NEBL: variants seen among roughly 807,000 people sequenced by gnomAD.
NEBL encodes the protein LIM and SH3 protein 2.
Under a neutral mutation model 140.2 loss-of-function variants are expected in NEBL, and 122 were observed. The ratio of observed to expected loss-of-function variants is 0.87; its 90% CI spans 0.75 to 1.01. The LOEUF is 1.01. NEBL is among the 50% of genes least tolerant of loss of function. The probability of loss-of-function intolerance (pLI) is 0.00; values close to 1 mark genes in which losing one functional copy is unlikely to be tolerated. For missense variants in NEBL, 1,365 were observed against 1,231.3 expected (o/e 1.11, Z -1.62); for synonymous variants, 436 against 398.9 (o/e 1.09, Z -1.11).
rs962262901 is a variant in NEBL, at chr10:20,784,792, T to C, written c.*955A>G. On this transcript the variant is annotated 3_prime_UTR_variant, in exon 28 of 28. Coordinates refer to ENST00000377122, the MANE Select transcript of NEBL (RefSeq NM_006393.3). ...AGTATACATGTTATTTCCTAAGATG[T>C]AAATCCTTCAAAACTAGAGTGCGAT... 1 of 152,214 alleles carries C rather than the reference T, an allele frequency of 6.6e-6. No homozygotes were observed. Among genetic ancestry groups the C allele is most frequent in the African/African-American group, 2.4e-5 (1 of 41,456 alleles). 9.4% of individuals were successfully genotyped at this position (152,214 alleles called of 1,614,324 possible). A position where few individuals can be genotyped will look rare whatever the true frequency, so the allele number is the denominator to read the frequency against.
At position 21,173,123 on chromosome 10, in the gene NEBL, C is replaced by T. The variant is rs1201031711; in HGVS notation, c.69+642G>A. Among the ~76,000 whole-genome samples, 8 of 152,176 alleles carry T rather than the reference C, an allele frequency of 5.3e-5. No individual in the cohort carries two copies. The highest frequency in any genetic ancestry group is 4.6e-4 in the Admixed American group (7 of 15,288). On this transcript the variant is annotated intron_variant, in intron 1 of 6. Transcript: ENST00000417816. This position sits in a 1 kb window ranked among gnomAD's most constrained non-coding sequence, Gnocchi z 5.7. The stretch of plus-strand genomic sequence containing the variant: ...GTCTCTCTCCCGGGCTGTTCATCTC[C>T]GTCCCTGCCCGGGAAGGGCAGGGGG...
chr10:20,825,221 G>A (rs1274564063), intron 18 of NEBL, among the ~76,000 whole-genome samples: 2 of 152,110 alleles, frequency 1.3e-5, no homozygotes, highest in East Asian at 1.9e-4. Context: ...GCTGCATAAT[G>A]ACCAAGTGAC....
intron 4 of NEBL, among the ~76,000 whole-genome samples, chr10:20,947,313 A>G (rs1396607714): frequency 6.6e-6 from 1 of 152,150 alleles, no homozygotes; most frequent in East Asian, 1.9e-4. Context: ...GCACAGATTT[A>G]AGATGAGAAG....
chr10:21,178,829 G>A (rs1452502134), upstream of NEBL, among the ~76,000 whole-genome samples: 2 of 152,106 alleles, frequency 1.3e-5, no homozygotes, highest in African/African-American at 4.8e-5. Flanking sequence ...TCGGAAAGAG[G>A]AAAAAAGAAA....
Position 21,016,845 on chromosome 10 carries a change from T to C in NEBL, c.249+3272A>G, listed in dbSNP as rs79727025. On this transcript the variant is annotated intron_variant, in intron 3 of 6. Coordinates refer to the NEBL transcript ENST00000417816. The stretch of plus-strand genomic sequence containing the variant: ...CCATTACTGAGTATTACCATTAGGA[T>C]AGATACCTACCCACGTTTTTGCAAA... Among the ~76,000 whole-genome samples, 583 of 152,362 alleles carry C rather than the reference T, an allele frequency of 3.8e-3. 7 individuals carry two copies. Among genetic ancestry groups the C allele is most frequent in the Non-Finnish European group, 5.2e-3 (351 of 68,038 alleles).
chr10:21,010,532 G>T (rs1307633383), intron 3 of NEBL, among the ~76,000 whole-genome samples: 1 of 151,440 alleles, frequency 6.6e-6, no homozygotes, highest in Non-Finnish European at 1.5e-5. Context: ...GGGATTACGG[G>T]CATGAGCCAC....
Position 20,966,473 on chromosome 10 carries a change from C to A in NEBL, c.250-4694G>T, listed in dbSNP as rs891972880. ...GTGAAAATACCAAGCAAGGATATGA[C>A]CCTTCAGCAAATATTAGTTTCATTC... On this transcript the variant is annotated intron_variant, in intron 3 of 6. Transcript: ENST00000417816. Among the ~76,000 whole-genome samples the A allele has an allele frequency of 2.6e-5, 4 of 152,174 alleles. No homozygotes were observed. In the East Asian group the frequency reaches 7.7e-4, roughly 29 times the overall value.
intron 2 of NEBL, among the ~76,000 whole-genome samples, chr10:21,112,353 A>G (rs1235173083): frequency 1.6e-4 from 25 of 152,202 alleles, no homozygotes; most frequent in Non-Finnish European, 3.1e-4. Flanking sequence ...ATGTCCATCA[A>G]TGATAGACTG....
intron 2 of NEBL, among the ~76,000 whole-genome samples, chr10:21,044,592 A>C (rs188332517): frequency 1.3e-5 from 2 of 152,064 alleles, no homozygotes; most frequent in African/African-American, 4.8e-5. Flanking sequence ...ATAAATTCAC[A>C]TGGCTGTTCA....
intron 3 of NEBL, among the ~76,000 whole-genome samples, chr10:21,008,927 T>C (rs1219323918): frequency 6.6e-6 from 1 of 151,440 alleles, no homozygotes; most frequent in East Asian, 1.9e-4. Flanking sequence ...GTATATTACA[T>C]ATAATATTTA....
intron 2 of NEBL, among the ~76,000 whole-genome samples, chr10:21,161,515 C>A (rs1252309694): frequency 6.6e-6 from 1 of 152,162 alleles, no homozygotes; most frequent in Non-Finnish European, 1.5e-5. Flanking sequence ...GGCAATTAGA[C>A]CATTCCTGAC....
intron 26 of NEBL, among the ~76,000 whole-genome samples, chr10:20,803,449 T>C (rs1588637409): frequency 6.6e-6 from 1 of 152,308 alleles, no homozygotes; most frequent in Non-Finnish European, 1.5e-5. Flanking sequence ...ATAGCAGTGG[T>C]ACTCAGAAGA....
intron 3 of NEBL, among the ~76,000 whole-genome samples, chr10:21,180,266 C>T (rs190390745): frequency 4.2e-4 from 64 of 152,306 alleles, no homozygotes; most frequent in African/African-American, 1.5e-3. Flanking sequence ...GCTGTCACAG[C>T]AGCAAAAGGA....
chr10:20,815,651 T>C lies in NEBL; in HGVS notation c.2215A>G (p.Lys739Glu). 6.2e-7 allele frequency: 1 copy of C among 1,611,986 alleles called. No individual in the cohort carries two copies. Among genetic ancestry groups the C allele is most frequent in the Non-Finnish European group, 8.5e-7 (1 of 1,178,156 alleles). ...LSVTPEMERV[K>E]KNQENISSVK... ...GAGCTAATATTTTCTTGATTCTTCT[T>C]CACTCTTTCCATTTCAGGAGTTACA... is the stretch of plus-strand genomic sequence containing the variant. Residue 739 changes from lysine to glutamate, a missense_variant, in exon 22 of 28, where the codon AAG (lysine) becomes GAG (glutamate). Coordinates refer to ENST00000377122, the MANE Select transcript of NEBL (RefSeq NM_006393.3).
chr10:20,784,614 A>G lies in NEBL; in HGVS notation c.*1133T>C, dbSNP rs1222058314. The stretch of plus-strand genomic sequence containing the variant: ...AGATACCAGATCATCTCTGTATGGA[A>G]TTGGTAACTTTGTTTGCTGAGTATT... On this transcript the variant is annotated 3_prime_UTR_variant, in exon 28 of 28. Transcript: ENST00000377122. The G allele has an allele frequency of 1.3e-5, 2 of 152,188 alleles. No individual in the cohort carries two copies. The highest frequency in any genetic ancestry group is 3.8e-4 in the East Asian group (2 of 5,200). 9.4% of individuals were successfully genotyped at this position (152,188 alleles called of 1,614,324 possible).
At chr10:21,292,485 G>T (rs924297798) in intron 1 of NEBL, among the ~76,000 whole-genome samples, 1 of 152,180 alleles carries the variant, frequency 6.6e-6, no homozygotes, top group Non-Finnish European at 1.5e-5. Flanking sequence ...TTAGACCCCT[G>T]AGAAATTTAT....
intron 2 of NEBL, among the ~76,000 whole-genome samples, chr10:20,890,551 G>A (rs188349793): frequency 3.5e-4 from 54 of 152,268 alleles, no homozygotes; most frequent in Non-Finnish European, 6.3e-4. Context: ...CCTCCTGAGC[G>A]CAGAGAAGAA....
rs1354225589 is a variant in NEBL at position 21,029,786 on chromosome 10, G to T, written c.165-9585C>A. ...CGGTAGGGATCGCTATGATGACCGA[G>T]GCAGCAGAGACTATGCTAGAGGCTA... On this transcript the variant is annotated intron_variant, in intron 2 of 6. Coordinates refer to the NEBL transcript ENST00000417816. 4.4e-5 allele frequency: 33 copies of T among 754,822 alleles called. No homozygotes were observed. The East Asian group carries it at 7.6e-4, about 17-fold the overall frequency. 46.8% of individuals were successfully genotyped at this position (754,822 alleles called of 1,614,324 possible). A position where few individuals can be genotyped will look rare whatever the true frequency, so the allele number is the denominator to read the frequency against.
intron 4 of NEBL, among the ~76,000 whole-genome samples, chr10:20,918,471 T>A (rs1311046086): frequency 6.6e-6 from 1 of 152,184 alleles, no homozygotes; most frequent in Non-Finnish European, 1.5e-5. Context: ...AAAGATTGCA[T>A]CTTCAGATGA....
Sources: allele counts gnomAD v4.1 joint callset (sites outside exome capture counted in the v4.1 genomes callset), GRCh38; gene constraint gnomAD v4.1.1; non-coding constraint Gnocchi (gnomAD v3.1); transcripts MANE v1.5; gene names NCBI Gene and HGNC (gene_info 2026-07-23, HGNC 2026-07-21).